MGAM: variants seen among roughly 807,000 people sequenced by gnomAD.
The protein encoded by MGAM is maltase-glucoamylase.
MGAM carries 253 observed loss-of-function variants against 358.8 expected under a neutral mutation model. That is an observed-to-expected ratio of 0.71 (90% CI 0.64 to 0.78). The LOEUF is 0.78. Ranked by LOEUF, MGAM falls within the 30% of genes least tolerant of loss-of-function variation. MGAM has a pLI of 0.00. For missense variants in MGAM, 3,080 were observed against 3,432.6 expected, an observed-to-expected ratio of 0.90 and a Z score of 2.57; for synonymous variants, 1,105 against 1,227.1, an observed-to-expected ratio of 0.90 and a Z score of 2.08.
chr7:142,034,661 C>G lies in MGAM; in HGVS notation c.1788-9C>G. On this transcript the variant is annotated splice_polypyrimidine_tract_variant and intron_variant, in intron 15 of 70. Transcript: ENST00000475668. ...CCACATTGACTCCTTAAATCTCTCTCCCTTGCAGAGCTGCCAAGACTGTGT... is the reference window on the plus strand; with the variant it reads ...CCACATTGACTCCTTAAATCTCTCTGCCTTGCAGAGCTGCCAAGACTGTGT... 2 of 1,611,832 alleles carry G rather than the reference C, an allele frequency of 1.2e-6. No homozygotes were observed. Among genetic ancestry groups the G allele is most frequent in the Non-Finnish European group, 1.7e-6 (2 of 1,178,674 alleles).
At chr7:142,044,920 A>T (rs1424343355) in intron 21 of MGAM, among the ~76,000 whole-genome samples, 1 of 90,190 alleles carries the variant, frequency 1.1e-5, no homozygotes, top group Admixed American at 1.6e-4. Flanking sequence ...TATATTATAT[A>T]CACGTGTAAT....
intron 10 of MGAM, 149 bp downstream of exon 10, chr7:142,027,884 T>G (rs1807120334): frequency 5.8e-6 from 5 of 869,482 alleles, no homozygotes; most frequent in Non-Finnish European, 7.9e-6. Flanking sequence ...TAGACATTTT[T>G]TTTTTTGTTG....
At chr7:142,020,822 G>C (rs1329469371) in intron 4 of MGAM, among the ~76,000 whole-genome samples, 152 bp from the exon 5 acceptor site, 1 of 151,926 alleles carries the variant, frequency 6.6e-6, no homozygotes, top group Non-Finnish European at 1.5e-5. Flanking sequence ...TCGAATTCCT[G>C]ACCTTGTGAT....
intron 3 of MGAM, among the ~76,000 whole-genome samples, chr7:142,010,189 C>G (rs1805493624): frequency 6.6e-6 from 1 of 152,036 alleles, no homozygotes. Context: ...GGAGACTCTT[C>G]TTTGGAGAGA....
At chr7:142,030,166 C>T (rs184084224) in intron 10 of MGAM, 196 bp from the exon 11 acceptor site, 2 of 580,060 alleles carry the variant, frequency 3.4e-6, no homozygotes, top group East Asian at 6.5e-5. Context: ...GGGGGCCAAG[C>T]CCTAGGGAAC....
intron 4 of MGAM, among the ~76,000 whole-genome samples, chr7:142,020,697 T>G (rs1053865587): frequency 9.3e-5 from 14 of 151,248 alleles, no homozygotes; most frequent in Admixed American, 4.0e-4. Flanking sequence ...CCTCTGGGGT[T>G]GAAGCAATTC....
intron 22 of MGAM, 96 bp from the exon 23 acceptor site, chr7:142,050,139 G>T (rs533345464): frequency 8.5e-7 from 1 of 1,171,878 alleles, no homozygotes; most frequent in East Asian, 2.3e-5. Context: ...ACTGCTATGT[G>T]TGACCTCAAG....
At chr7:142,005,459 C>A in intron 1 of MGAM, 70 bp from the exon 2 acceptor site, 1 of 1,147,260 alleles carries the variant, frequency 8.7e-7, no homozygotes, top group Non-Finnish European at 1.2e-6. Flanking sequence ...TTGAGCTTTT[C>A]CATTAAAAAT....
intron 2 of MGAM, among the ~76,000 whole-genome samples, chr7:142,007,416 G>C (rs1054545199): frequency 6.6e-4 from 101 of 152,094 alleles, no homozygotes; most frequent in African/African-American, 2.3e-3. Flanking sequence ...GTGTTAACCT[G>C]TGGCTTCTCT....
upstream of MGAM, among the ~76,000 whole-genome samples, chr7:141,992,987 TC>T (rs2128971028): frequency 6.6e-6 from 1 of 152,328 alleles, no homozygotes; most frequent in South Asian, 2.1e-4. Flanking sequence ...ACACGGTAAG[TC>T]AGTGTTACCA....
At chr7:142,001,053 A>G (rs1175443954) in intron 1 of MGAM, among the ~76,000 whole-genome samples, 4 of 152,196 alleles carry the variant, frequency 2.6e-5, no homozygotes, top group Non-Finnish European at 5.9e-5. Flanking sequence ...TCTTTGCTTT[A>G]TTAGTTAATT....
chr7:142,027,155 C>T lies in MGAM; in HGVS notation c.1023C>T (p.Thr341=). The T allele has an allele frequency of 6.2e-7, 1 of 1,613,634 alleles. No homozygotes were observed. Among genetic ancestry groups the T allele is most frequent in the African/African-American group, 1.3e-5 (1 of 75,028 alleles). ...CTGCGCCAGCCATCACTTACCGCAC[C>T]ATTGGGGGCATTCTCGACTTCTATG... is the stretch of plus-strand genomic sequence containing the variant. ...LQPAPAITYR[T]IGGILDFYVF... Residue 341 remains threonine, a synonymous_variant, in exon 9 of 71, where the codon ACC becomes ACT. Transcript: ENST00000475668.
intron 15 of MGAM, 90 bp from the exon 16 acceptor site, chr7:142,034,580 C>A: frequency 8.0e-7 from 1 of 1,253,974 alleles, no homozygotes; most frequent in Admixed American, 2.2e-5. Context: ...GGGTTATTCA[C>A]TTTTAATGTC....
At position 142,078,809 on chromosome 7, in the gene MGAM, C is replaced by G; in HGVS notation, c.5648C>G (p.Ala1883Gly). Residue 1883 changes from alanine (A) to glycine (G), a missense_variant and splice_region_variant, in exon 49 of 71, where the codon GCA (alanine) becomes GGA (glycine). Coordinates refer to ENST00000475668, the MANE Select transcript of MGAM (RefSeq NM_001365693.1). ...NCTARGCIWE[A>G]SNSSGVPFCY... is the part of the protein sequence containing the mutation. ...TATGACTTTGGCCTTACTTTTCAGG[C>G]ATCCAATTCTTCTGGAGTCCCTTTT... The G allele has an allele frequency of 1.9e-6, 3 of 1,552,636 alleles. No homozygotes were observed. In the South Asian group the frequency reaches 3.4e-5, roughly 17 times the overall value.
At chr7:142,064,360 A>G in intron 36 of MGAM, 24 bp from the exon 37 acceptor site, 1 of 1,596,576 alleles carries the variant, frequency 6.3e-7, no homozygotes. Flanking sequence ...GCTGGGTTTC[A>G]CCTCGCCAGT....
At chr7:142,029,364 G>GA (rs11387547) in intron 10 of MGAM, among the ~76,000 whole-genome samples, 67,138 of 151,146 alleles carry the variant, frequency 0.44, 15,766 homozygotes, top group African/African-American at 0.59. Context: ...AGTCTTGAGG[G>GA]AAAAAAAAGG....
In MGAM at chr7:142,083,932, G is replaced by A. The variant is rs552999345; in HGVS notation, c.6381+519G>A. On this transcript the variant is annotated intron_variant, in intron 53 of 70. Transcript: ENST00000475668. The stretch of plus-strand genomic sequence containing the variant: ...TGGTGGTAGTGGTGGTGACAGTGGG[G>A]TGGTGTGAAGAATATGGTGGTGGTA... Among the ~76,000 whole-genome samples the A allele has an allele frequency of 1.6e-4, 23 of 144,550 alleles. 2 individuals carry two copies. The South Asian group carries it at 5.1e-3, about 32-fold the overall frequency. The allele number at this position is 144,550 out of a possible 152,430, so 94.8% of individuals were successfully genotyped here.
intron 30 of MGAM, among the ~76,000 whole-genome samples, chr7:142,057,744 C>T (rs1317171750): frequency 6.6e-6 from 1 of 152,106 alleles, no homozygotes; most frequent in Non-Finnish European, 1.5e-5. Context: ...ACTGATTTAT[C>T]ACTTGCTGCA....
intron 6 of MGAM, 80 bp from the exon 7 acceptor site, chr7:142,022,188 A>G (rs1658902662): frequency 3.0e-6 from 4 of 1,343,666 alleles, no homozygotes; most frequent in Non-Finnish European, 4.1e-6. Context: ...TCACTGAGAT[A>G]TAAAGGACGC....
Sources: allele counts gnomAD v4.1 joint callset (sites outside exome capture counted in the v4.1 genomes callset), GRCh38; gene constraint gnomAD v4.1.1; transcripts MANE v1.5; gene names NCBI Gene and HGNC (gene_info 2026-07-23, HGNC 2026-07-21).